Variants in TGM6 observed in about 807,000 individuals in gnomAD.
The protein encoded by TGM6 is protein-glutamine gamma-glutamyltransferase 6.
In TGM6, 74 loss-of-function variants were observed where a neutral mutation model predicts 77.5. The observed-to-expected ratio is 0.96, with a 90% confidence interval of 0.79 to 1.16. The LOEUF is 1.16. Among genes scored for constraint, TGM6 ranks in the 50% most tolerant of loss-of-function variants. TGM6 has a pLI of 0.00. For synonymous variants in TGM6, 383 were observed against 378.9 expected, an observed-to-expected ratio of 1.01 and a Z score of -0.12; for missense variants, 968 against 940.2, an observed-to-expected ratio of 1.03 and a Z score of -0.39.
At chr20:2,431,170 A>G in intron 12 of TGM6, 143 bp downstream of exon 12, 1 of 970,274 alleles carries the variant, frequency 1.0e-6, no homozygotes, top group South Asian at 1.9e-5. Context: ...ATCAGCCTTC[A>G]TTCACTTATT....
At chr20:2,406,799 A>G (rs1393964139) in intron 9 of TGM6, among the ~76,000 whole-genome samples, 1 of 131,744 alleles carries the variant, frequency 7.6e-6, no homozygotes, top group Non-Finnish European at 1.6e-5. Context: ...CGCACACTGC[A>G]CTCCACCCTC....
Position 2,380,914 on chromosome 20 carries a change from C to G in TGM6, c.-55C>G. 1.3e-6 allele frequency: 2 copies of G among 1,596,080 alleles called. No homozygotes were observed. The highest frequency in any genetic ancestry group is 2.3e-5 in the South Asian group (2 of 87,378). ...GGCTGCTGTGACGCGCCACACTGTC[C>G]TGACGGTGCACACACTGCTGTGTGG... On this transcript the variant is annotated 5_prime_UTR_variant, in exon 1 of 13. Coordinates refer to ENST00000202625, the MANE Select transcript of TGM6 (RefSeq NM_198994.3).
At chr20:2,409,459 C>T (rs1208160455) in intron 9 of TGM6, among the ~76,000 whole-genome samples, 1 of 152,138 alleles carries the variant, frequency 6.6e-6, no homozygotes, top group African/African-American at 2.4e-5. Context: ...CGCCTATAAT[C>T]TCAGCATTTT....
rs1166839276 is a variant in TGM6, at chr20:2,381,407, A to C, written c.7+432A>C. On this transcript the variant is annotated intron_variant, in intron 1 of 12. Transcript: ENST00000202625. ...CCGGCTGCATCCTCGCCTGATTCCC[A>C]CCCCAAGCACTTGAGGGCAAGAGCA... Among the ~76,000 whole-genome samples, 8 of 152,218 alleles carry C rather than the reference A, an allele frequency of 5.3e-5. No individual in the cohort carries two copies. In the South Asian group the frequency reaches 1.5e-3, roughly 28 times the overall value.
intron 9 of TGM6, among the ~76,000 whole-genome samples, chr20:2,411,015 T>C (rs2060083037): frequency 6.6e-6 from 1 of 152,222 alleles, no homozygotes; most frequent in African/African-American, 2.4e-5. Context: ...GCCCAGATTA[T>C]GTCACTGGTG....
intron 1 of TGM6, among the ~76,000 whole-genome samples, chr20:2,391,885 G>A (rs925592332): frequency 7.9e-5 from 12 of 152,164 alleles, no homozygotes; most frequent in Non-Finnish European, 4.4e-5. Context: ...CCACACATCT[G>A]CTTTCTCTCA....
At position 2,400,543 on chromosome 20, in the gene TGM6, G is replaced by C. The variant is rs2084700987; in HGVS notation, c.989+99G>C. ...ACACCACCAGGGAGCGGCAGGCCCA[G>C]AGCCCAGCTCTCCTGAATCTGAGCC... On this transcript the variant is annotated intron_variant, in intron 7 of 12. Coordinates refer to ENST00000202625, the MANE Select transcript of TGM6 (RefSeq NM_198994.3). 19 of 1,557,592 alleles carry C rather than the reference G, an allele frequency of 1.2e-5. No individual in the cohort carries two copies. The South Asian group carries it at 2.0e-4, about 17-fold the overall frequency.
At chr20:2,420,171 G>T (rs977814317) in intron 10 of TGM6, among the ~76,000 whole-genome samples, 6 of 152,164 alleles carry the variant, frequency 3.9e-5, no homozygotes, top group Non-Finnish European at 7.4e-5. Context: ...CGTGAACCCA[G>T]GAGGCAGAGC....
chr20:2,430,789 G>T, intron 11 of TGM6, 105 bp from the exon 12 acceptor site: 1 of 1,604,482 alleles, frequency 6.2e-7, no homozygotes, highest in East Asian at 2.2e-5. Flanking sequence ...TATGGAGGTG[G>T]GGGTGGACAT....
chr20:2,425,408 G>A (rs1328453478), intron 10 of TGM6, among the ~76,000 whole-genome samples: 1 of 151,454 alleles, frequency 6.6e-6, no homozygotes, highest in African/African-American at 2.4e-5. Context: ...TGGAAAAATG[G>A]CTCTTATAGA....
Position 2,396,572 on chromosome 20 carries a change from T to A in TGM6, c.491T>A (p.Ile164Asn). The A allele has an allele frequency of 6.2e-7, 1 of 1,614,200 alleles. No individual in the cohort carries two copies. Among genetic ancestry groups the A allele is most frequent in the African/African-American group, 1.3e-5 (1 of 75,044 alleles). The change falls in exon 4 of 13, where the codon ATC becomes AAC. Residue 164 changes from isoleucine to asparagine, a missense_variant. By Grantham distance (149) the Ile-to-Asn change is moderately radical. Coordinates refer to ENST00000202625, the MANE Select transcript of TGM6 (RefSeq NM_198994.3). ...QEYVLSDSGI[I>N]FRGVEKHIRA... is the part of the protein sequence containing the mutation. ...TACGTGCTCAGCGACAGCGGCATCA[T>A]CTTCCGAGGCGTGGAGAAGCACATA... is the stretch of plus-strand genomic sequence containing the variant.
chr20:2,415,294 T>G (rs1316955602), intron 9 of TGM6, among the ~76,000 whole-genome samples: 1 of 152,110 alleles, frequency 6.6e-6, no homozygotes, highest in Non-Finnish European at 1.5e-5. Context: ...CAGGGTACCT[T>G]CAGGGGAGAG....
intron 5 of TGM6, 70 bp from the exon 6 acceptor site, chr20:2,399,491 T>G: frequency 6.2e-7 from 1 of 1,609,822 alleles, no homozygotes. Context: ...TTGGACAGGA[T>G]TTGACCACGA....
rs754144962 is a variant in TGM6, at chr20:2,398,092, C to G, written c.672+46C>G. The G allele has an allele frequency of 4.3e-6, 7 of 1,613,980 alleles. No homozygotes were observed. The South Asian group carries it at 7.7e-5, about 18-fold the overall frequency. ...TGCACATGTACTTCCTCAAGGATCC[C>G]CCAGCCAACCCCGGGGCCACAACCT... On this transcript the variant is annotated intron_variant, in intron 5 of 12. Transcript: ENST00000202625.
intron 1 of TGM6, among the ~76,000 whole-genome samples, chr20:2,386,424 G>A (rs892668138): frequency 1.3e-4 from 20 of 152,090 alleles, no homozygotes; most frequent in African/African-American, 4.6e-4. Flanking sequence ...GGGATTTCTA[G>A]GTGGTTTCTG....
chr20:2,410,841 T>G (rs2084780432), intron 9 of TGM6, among the ~76,000 whole-genome samples: 1 of 152,158 alleles, frequency 6.6e-6, no homozygotes, highest in African/African-American at 2.4e-5. Flanking sequence ...GACAACATAT[T>G]AGATAACTTT....
At chr20:2,419,794 T>C (rs1381809921) in intron 10 of TGM6, among the ~76,000 whole-genome samples, 1 of 152,208 alleles carries the variant, frequency 6.6e-6, no homozygotes, top group African/African-American at 2.4e-5. Flanking sequence ...GTGACCTATG[T>C]TTTCTTTTAG....
chr20:2,392,598 G>A (rs1401205932), intron 1 of TGM6, among the ~76,000 whole-genome samples: 5 of 152,300 alleles, frequency 3.3e-5, no homozygotes, highest in South Asian at 2.1e-4. Flanking sequence ...TCTGCAGAGC[G>A]GGGAACTGAG....
chr20:2,389,622 T>C (rs2084617688), intron 1 of TGM6, among the ~76,000 whole-genome samples: 1 of 152,202 alleles, frequency 6.6e-6, no homozygotes, highest in African/African-American at 2.4e-5. Flanking sequence ...TACCTACCTC[T>C]ATACTCCACT....
Sources: allele counts gnomAD v4.1 joint callset (sites outside exome capture counted in the v4.1 genomes callset), GRCh38; gene constraint gnomAD v4.1.1; transcripts MANE v1.5; gene names NCBI Gene and HGNC (gene_info 2026-07-23, HGNC 2026-07-21).